The following RAVER1 variants were observed in gnomAD, a reference collection of about 807,000 sequenced individuals.
The protein encoded by RAVER1 is ribonucleoprotein PTB-binding 1.
In RAVER1, 36 loss-of-function variants were observed where a neutral mutation model predicts 68.4. The observed-to-expected ratio is 0.53, with a 90% CI of 0.40 to 0.70. RAVER1 has a LOEUF of 0.70. Among genes scored for constraint, RAVER1 ranks in the 30% least tolerant of loss-of-function variants. RAVER1 has a pLI of 0.00. For missense variants in RAVER1, 933 were observed against 1,019.8 expected, an observed-to-expected ratio of 0.91 and a Z score of 1.16; for synonymous variants, 469 against 472.7, an observed-to-expected ratio of 0.99 and a Z score of 0.10.
chr19:10,320,783 C>T lies in RAVER1; in HGVS notation c.1642G>A (p.Ala548Thr). Reference sequence around the variant, plus strand: ...CTGCTGCTGCTGCCACCTCCAGGGGCTGGGGGGTTAGTTGGGGGGCCCTCA... The same window carrying T: ...CTGCTGCTGCTGCCACCTCCAGGGGTTGGGGGGTTAGTTGGGGGGCCCTCA... Reference protein sequence around the residue: ...PAEGPPTNPPAPGGGSSSSKA... With the variant: ...PAEGPPTNPPTPGGGSSSSKA... Residue 548 changes from alanine (A) to threonine (T), a missense_variant, in exon 9 of 13, where the codon GCC (alanine) becomes ACC (threonine). Coordinates refer to ENST00000617231, the MANE Select transcript of RAVER1 (RefSeq NM_133452.3). The T allele has an allele frequency of 7.5e-7, 1 of 1,339,316 alleles. No homozygotes were observed. Among genetic ancestry groups the T allele is most frequent in the Non-Finnish European group, 9.6e-7 (1 of 1,045,376 alleles). 83.0% of individuals were successfully genotyped at this position (1,339,316 alleles called of 1,614,324 possible).
chr19:10,328,954 G>C lies in RAVER1; in HGVS notation c.444C>G (p.Phe148Leu). The change falls in exon 3 of 13, where the codon TTC (phenylalanine) becomes TTG (leucine). Residue 148 changes from phenylalanine to leucine, a missense_variant. Phe to Leu is a conservative substitution (Grantham distance 22). Transcript: ENST00000617231. This position sits in a 1 kb window ranked among gnomAD's most constrained non-coding sequence, Gnocchi z 4.4. ...NLPPSLTQQQFEELVRPFGSL... is the reference protein window; with the variant it reads ...NLPPSLTQQQLEELVRPFGSL... ...TGCCGAAGGGCCGCACCAGCTCCTC[G>C]AACTGCTGCTGTGTGAGGCTGGGGG... The C allele has an allele frequency of 1.9e-6, 3 of 1,605,938 alleles. No homozygotes were observed. The highest frequency in any genetic ancestry group is 2.6e-6 in the Non-Finnish European group (3 of 1,174,840).
At chr19:10,319,311 C>G in intron 9 of RAVER1, 71 bp from the exon 10 acceptor site, 1 of 1,469,834 alleles carries the variant, frequency 6.8e-7, no homozygotes, top group Non-Finnish European at 9.4e-7. Context: ...AACTCCATGG[C>G]AGAGCTGTCA....
chr19:10,333,158 C>A lies in RAVER1; in HGVS notation c.219+131G>T. On this transcript the variant is annotated intron_variant, in intron 1 of 12. Transcript: ENST00000617231. This position sits in a 1 kb window ranked among gnomAD's most constrained non-coding sequence, Gnocchi z 4.2. ...TCCCGCTCTTGGTCTCTCCCGATCC[C>A]GCGTGGATCCGGTGCTTGGGCGCCC... 1 of 874,222 alleles carries A rather than the reference C, an allele frequency of 1.1e-6. No homozygotes were observed. 54.2% of individuals were successfully genotyped at this position (874,222 alleles called of 1,614,324 possible).
chr19:10,331,384 T>A (rs176002), intron 1 of RAVER1, among the ~76,000 whole-genome samples: 9,293 of 30,228 alleles, frequency 0.31, 264 homozygotes, highest in African/African-American at 0.34. Flanking sequence ...AAAAAAAAAA[T>A]AACAACAACA....
rs539280006 is a variant in RAVER1, at chr19:10,318,381, G to A, written c.1846-9C>T. ...CTGGGCGGGGGGGACATCTGTAGAA[G>A]AAGGGCCGGTGGAGTGAAGCAGACA... is the stretch of plus-strand genomic sequence containing the variant. On this transcript the variant is annotated splice_polypyrimidine_tract_variant and intron_variant, in intron 10 of 12. Coordinates refer to ENST00000617231, the MANE Select transcript of RAVER1 (RefSeq NM_133452.3). 27 of 1,590,106 alleles carry A rather than the reference G, an allele frequency of 1.7e-5. 1 individual carries two copies. The South Asian group carries it at 3.0e-4, about 18-fold the overall frequency.
Position 10,330,743 on chromosome 19 carries a change from T to G in RAVER1, c.220-217A>C, listed in dbSNP as rs796301699. 8.4e-4 allele frequency among the ~76,000 whole-genome samples: 128 copies of G among 152,336 alleles called. 1 individual carries two copies. The highest frequency in any genetic ancestry group is 2.6e-3 in the African/African-American group (108 of 41,580). On this transcript the variant is annotated intron_variant, in intron 1 of 12. Coordinates refer to ENST00000617231, the MANE Select transcript of RAVER1 (RefSeq NM_133452.3). ...AGAACCTAGCTGCAGACTGTGCTAT[T>G]ACCCAGGCAACATGCTCTTAGAGGG...
At chr19:10,326,274 TAAAAG>T (rs1234602546) in intron 3 of RAVER1, among the ~76,000 whole-genome samples, 1 of 151,912 alleles carries the variant, frequency 6.6e-6, no homozygotes, top group African/African-American at 2.4e-5. Flanking sequence ...TAAAATAAAA[TAAAAG>T]AAAGGTGAGG....
chr19:10,326,156 G>C (rs2040473311), intron 3 of RAVER1, among the ~76,000 whole-genome samples: 1 of 152,128 alleles, frequency 6.6e-6, no homozygotes, highest in Non-Finnish European at 1.5e-5. Context: ...TCGGGAGGCT[G>C]AAGCTGGAGA....
At chr19:10,321,489 G>T in intron 7 of RAVER1, 42 bp downstream of exon 7, 1 of 1,324,100 alleles carries the variant, frequency 7.6e-7, no homozygotes, top group East Asian at 2.8e-5. Context: ...GGAAGGAAGG[G>T]GAAGTGGCTG....
intron 1 of RAVER1, among the ~76,000 whole-genome samples, chr19:10,331,375 AAAAAAAAAT>A (rs2040515788): frequency 7.6e-6 from 1 of 130,858 alleles, no homozygotes; most frequent in African/African-American, 2.9e-5. Flanking sequence ...AAAAAAAAAA[AAAAAAAAAT>A]AACAACAACA....
At position 10,329,035 on chromosome 19, in the gene RAVER1, A is replaced by G. The variant is rs3745261; in HGVS notation, c.363T>C (p.Arg121=). 59,325 of 1,548,470 alleles carry G rather than the reference A, an allele frequency of 0.038. 1,236 individuals carry two copies. Among genetic ancestry groups the G allele is most frequent in the East Asian group, 0.06 (2,619 of 43,532 alleles). Reference sequence around the variant, plus strand: ...TGGGCTGCAGCTGCACCGACAGTTCACGCTCCCGCAGGCGGCTCTGGTGGA... The same window carrying G: ...TGGGCTGCAGCTGCACCGACAGTTCGCGCTCCCGCAGGCGGCTCTGGTGGA... The part of the protein sequence containing the change: ...NAFHQSRLRE[R]ELSVQLQPTD... Residue 121 remains arginine (R), a synonymous_variant, in exon 3 of 13, where the codon CGT becomes CGC. Coordinates refer to ENST00000617231, the MANE Select transcript of RAVER1 (RefSeq NM_133452.3). The surrounding 1 kb of genome is among the most constrained non-coding windows in gnomAD (Gnocchi z 4.6).
chr19:10,333,247 G>A lies in RAVER1; in HGVS notation c.219+42C>T, dbSNP rs373833296. On this transcript the variant is annotated intron_variant, in intron 1 of 12. Coordinates refer to ENST00000617231, the MANE Select transcript of RAVER1 (RefSeq NM_133452.3). The surrounding 1 kb of genome is among the most constrained non-coding windows in gnomAD (Gnocchi z 4.2). ...CCGGTTCCCCCCGCGCACGCGCACCGTGGTATTTCCCGCCACGCTCCTACA... is the reference window on the plus strand; with the variant it reads ...CCGGTTCCCCCCGCGCACGCGCACCATGGTATTTCCCGCCACGCTCCTACA... 2.9e-5 allele frequency: 45 copies of A among 1,569,560 alleles called. No homozygotes were observed. The East Asian group carries it at 6.9e-4, about 24-fold the overall frequency.
At position 10,321,725 on chromosome 19, in the gene RAVER1, C is replaced by T. The variant is rs10164293; in HGVS notation, c.1174-107G>A. 15 of 829,042 alleles carry T rather than the reference C, an allele frequency of 1.8e-5. No individual in the cohort carries two copies. In the East Asian group the frequency reaches 1.9e-4, roughly 10 times the overall value. 51.4% of individuals were successfully genotyped at this position (829,042 alleles called of 1,614,324 possible). On this transcript the variant is annotated intron_variant, in intron 6 of 12. Coordinates refer to ENST00000617231, the MANE Select transcript of RAVER1 (RefSeq NM_133452.3). ...ACACACCCCAACTCCAGGGCACGGCCGATCCTGGGCAGACAGGCACAGGGT... is the reference window on the plus strand; with the variant it reads ...ACACACCCCAACTCCAGGGCACGGCTGATCCTGGGCAGACAGGCACAGGGT...
rs1349832598 is a variant in RAVER1 at position 10,321,194 on chromosome 19, G to A, written c.1327C>T (p.Leu443Phe). Residue 443 changes from leucine (L) to phenylalanine (F), a missense_variant, in exon 8 of 13, where the codon CTT becomes TTT. Transcript: ENST00000617231. ...TCCCGGTCACCCCCAGCAGGGCCAA[G>A]CACGGATGGCAGCAGGGGTGGTGGC... is the stretch of plus-strand genomic sequence containing the variant. ...GKPPPLLPSV[L>F]GPAGGDREAL... 3 of 1,283,218 alleles carry A rather than the reference G, an allele frequency of 2.3e-6. No homozygotes were observed. The highest frequency in any genetic ancestry group is 3.1e-5 in the African/African-American group (2 of 64,662). 79.5% of individuals were successfully genotyped at this position (1,283,218 alleles called of 1,614,324 possible). A position where few individuals can be genotyped will look rare whatever the true frequency, so the allele number is the denominator to read the frequency against.
chr19:10,320,610 A>G (rs2040428760), intron 9 of RAVER1, 45 bp downstream of exon 9: 7 of 1,492,212 alleles, frequency 4.7e-6, no homozygotes, highest in Non-Finnish European at 6.3e-6. Context: ...CAGTTTGGAG[A>G]ATGATTTGGC....
Position 10,317,370 on chromosome 19 carries a change from G to T in RAVER1, c.*84C>A, listed in dbSNP as rs922079313. ...TTCTATTACCGAAAGAGAGAAAATG[G>T]TTTAAAAAAAACACAAAACAAAACA... On this transcript the variant is annotated 3_prime_UTR_variant, in exon 13 of 13. Transcript: ENST00000617231. The surrounding 1 kb of genome is among the most constrained non-coding windows in gnomAD (Gnocchi z 4.3). 9.1e-6 allele frequency: 13 copies of T among 1,426,388 alleles called. No individual in the cohort carries two copies. In the African/African-American group the frequency reaches 1.8e-4, roughly 20 times the overall value. The allele number at this position is 1,426,388 out of a possible 1,614,324, so 88.4% of individuals were successfully genotyped here. A position where few individuals can be genotyped will look rare whatever the true frequency, so the allele number is the denominator to read the frequency against.
At chr19:10,332,017 T>G (rs1244052532) in intron 1 of RAVER1, among the ~76,000 whole-genome samples, 2 of 152,098 alleles carry the variant, frequency 1.3e-5, no homozygotes, top group African/African-American at 4.8e-5. Context: ...TTTTTAGAGA[T>G]AGTGTCTTGT....
chr19:10,317,046 C>T lies in RAVER1; in HGVS notation c.*408G>A, dbSNP rs144892943. On this transcript the variant is annotated 3_prime_UTR_variant, in exon 13 of 13. Transcript: ENST00000617231. The surrounding 1 kb of genome is among the most constrained non-coding windows in gnomAD (Gnocchi z 4.3). ...AGAAAAGGAAACAGAAGTCAGTTGTCAAAGTTAAAAAAAAAGGAGACAGTC... is the reference window on the plus strand; with the variant it reads ...AGAAAAGGAAACAGAAGTCAGTTGTTAAAGTTAAAAAAAAAGGAGACAGTC... 1.2e-3 allele frequency: 253 copies of T among 218,466 alleles called. 2 individuals carry two copies. The East Asian group carries it at 0.03, about 26-fold the overall frequency. 13.5% of individuals were successfully genotyped at this position (218,466 alleles called of 1,614,324 possible). A position where few individuals can be genotyped will look rare whatever the true frequency, so the allele number is the denominator to read the frequency against.
chr19:10,321,149 G>T lies in RAVER1; in HGVS notation c.1372C>A (p.Pro458Thr). 1.6e-6 allele frequency: 2 copies of T among 1,287,806 alleles called. No homozygotes were observed. 79.8% of individuals were successfully genotyped at this position (1,287,806 alleles called of 1,614,324 possible). ...GGGGGAGGAGTGAGCTGGGCCGCTG[G>T]GGGACCCAAGCCCAGGGCCTCCCGG... Reference protein sequence around the residue: ...GDREALGLGPPAAQLTPPPAP... With the variant: ...GDREALGLGPTAAQLTPPPAP... Residue 458 changes from proline (P) to threonine (T), a missense_variant, in exon 8 of 13, where the codon CCA becomes ACA. Around this residue, in one of 3 missense-constraint regions of RAVER1, gnomAD observed 699 missense variants for 731.1 expected, o/e 0.96. Transcript: ENST00000617231.
Sources: allele counts gnomAD v4.1 joint callset (sites outside exome capture counted in the v4.1 genomes callset), GRCh38; gene constraint gnomAD v4.1.1; regional missense constraint gnomAD v4.1.1; non-coding constraint Gnocchi (gnomAD v3.1); transcripts MANE v1.5; gene names NCBI Gene and HGNC (gene_info 2026-07-23, HGNC 2026-07-21).